Variants in TMEM117 observed in about 807,000 individuals in gnomAD.
The protein encoded by TMEM117 is transmembrane protein 117.
Under a neutral mutation model 52.4 loss-of-function variants are expected in TMEM117, and 27 were observed. That is an observed-to-expected ratio of 0.51 (90% CI 0.38 to 0.71). The LOEUF is 0.71. Ranked by LOEUF, TMEM117 falls within the 30% of genes least tolerant of loss-of-function variation. The pLI is 0.00. For synonymous variants in TMEM117, 215 were observed against 206.3 expected, an observed-to-expected ratio of 1.04 and a Z score of -0.36; for missense variants, 556 against 630.5, an observed-to-expected ratio of 0.88 and a Z score of 1.26.
At chr12:44,197,341 A>G (rs918783643) in intron 4 of TMEM117, among the ~76,000 whole-genome samples, 6 of 152,090 alleles carry the variant, frequency 3.9e-5, no homozygotes, top group South Asian at 2.1e-4. Context: ...GGTATATCGT[A>G]CATAATTACT....
chr12:43,982,891 C>T (rs1945783872), intron 3 of TMEM117, among the ~76,000 whole-genome samples: 1 of 152,174 alleles, frequency 6.6e-6, no homozygotes, highest in Non-Finnish European at 1.5e-5. Context: ...TATGCTACCT[C>T]ATTTTCCCTG....
chr12:44,358,569 C>T (rs1951682132), intron 6 of TMEM117, among the ~76,000 whole-genome samples: 1 of 152,160 alleles, frequency 6.6e-6, no homozygotes. Flanking sequence ...TGATATCTGC[C>T]TTTAACCCTG....
At chr12:44,373,137 G>A (rs1414019177) in intron 6 of TMEM117, among the ~76,000 whole-genome samples, 1 of 152,154 alleles carries the variant, frequency 6.6e-6, no homozygotes, top group Non-Finnish European at 1.5e-5. Context: ...GATTTCCTCT[G>A]CCATCAGTTA....
Position 44,189,946 on chromosome 12 carries a change from T to G in TMEM117, c.511-21344T>G, listed in dbSNP as rs905556880. On this transcript the variant is annotated intron_variant, in intron 4 of 7. Transcript: ENST00000266534. ...TTACATGACCAGTAACCAAGCATGA[T>G]TTTTTGACAGAAGGTTCACAGGCCT... Among the ~76,000 whole-genome samples, 30 of 152,350 alleles carry G rather than the reference T, an allele frequency of 2.0e-4. 1 individual carries two copies. In the East Asian group the frequency reaches 3.3e-3, roughly 17 times the overall value.
chr12:44,226,129 A>G (rs73102938), intron 5 of TMEM117, among the ~76,000 whole-genome samples: 16,141 of 152,244 alleles, frequency 0.11, 943 homozygotes, highest in Middle Eastern at 0.2. Context: ...CCTGAGGAAA[A>G]CATTTTCCCC....
At chr12:43,916,073 ATTC>A (rs970287947) in intron 2 of TMEM117, among the ~76,000 whole-genome samples, 45 of 152,118 alleles carry the variant, frequency 3.0e-4, no homozygotes, top group Middle Eastern at 3.2e-3. Context: ...CTACTAACTT[ATTC>A]TTCTTTTTCC....
chr12:43,814,218 A>ACTTCC, the TMEM117 span, among the ~76,000 whole-genome samples: 584 of 152,268 alleles, frequency 3.8e-3, 2 homozygotes, highest in Middle Eastern at 6.8e-3. Flanking sequence ...CCCTATGGAA[A>ACTTCC]AAGCTCACTT....
chr12:44,322,057 G>A (rs560890584), intron 6 of TMEM117, among the ~76,000 whole-genome samples: 1 of 152,120 alleles, frequency 6.6e-6, no homozygotes, highest in South Asian at 2.1e-4. Flanking sequence ...ACCTGGGTAG[G>A]GATGGGAGAA....
chr12:44,289,485 C>G (rs1167204034), intron 5 of TMEM117, among the ~76,000 whole-genome samples: 1 of 151,170 alleles, frequency 6.6e-6, no homozygotes, highest in African/African-American at 2.4e-5. Flanking sequence ...GCCATACTTG[C>G]TGAATCAATT....
At chr12:44,070,015 G>C (rs758130310) in intron 3 of TMEM117, among the ~76,000 whole-genome samples, 1 of 152,004 alleles carries the variant, frequency 6.6e-6, no homozygotes, top group Non-Finnish European at 1.5e-5. Flanking sequence ...TTACCTTCCT[G>C]AGTAGCTGGG....
chr12:44,349,744 T>C (rs1951536640), intron 6 of TMEM117, among the ~76,000 whole-genome samples: 1 of 152,064 alleles, frequency 6.6e-6, no homozygotes, highest in South Asian at 2.1e-4. Context: ...AGAAAGTCAT[T>C]CATTCATCAT....
chr12:43,830,452 CA>C, the TMEM117 span, among the ~76,000 whole-genome samples: 1 of 150,558 alleles, frequency 6.6e-6, no homozygotes, highest in Non-Finnish European at 1.5e-5. Flanking sequence ...ACTAAAAATA[CA>C]AAAAAAATTA....
chr12:43,821,064 T>C, the TMEM117 span, among the ~76,000 whole-genome samples: 69 of 145,922 alleles, frequency 4.7e-4, no homozygotes, highest in South Asian at 1.5e-3. Flanking sequence ...CACTGCACTC[T>C]AGCCTGGGCA....
intron 3 of TMEM117, among the ~76,000 whole-genome samples, chr12:44,025,314 C>T (rs1367351993): frequency 6.6e-6 from 1 of 152,130 alleles, no homozygotes; most frequent in Non-Finnish European, 1.5e-5. Flanking sequence ...TGGATTCATC[C>T]TGACTTTTAT....
At chr12:44,311,897 GTATATATATA>G (rs1184586797) in intron 6 of TMEM117, among the ~76,000 whole-genome samples, 1 of 120,758 alleles carries the variant, frequency 8.3e-6, no homozygotes, top group African/African-American at 3.8e-5. Flanking sequence ...ATATATATGT[GTATATATATA>G]TGTGTGTATA....
intron 3 of TMEM117, among the ~76,000 whole-genome samples, chr12:43,980,028 T>G (rs1945735359): frequency 6.6e-6 from 1 of 152,184 alleles, no homozygotes; most frequent in South Asian, 2.1e-4. Context: ...ATTGCCTTGT[T>G]GATCTTGTAT....
chr12:43,878,903 G>A (rs1332414525), intron 2 of TMEM117, among the ~76,000 whole-genome samples: 1 of 152,156 alleles, frequency 6.6e-6, no homozygotes, highest in Non-Finnish European at 1.5e-5. Context: ...ATTCATAAAT[G>A]TGTACCAATG....
the TMEM117 span, among the ~76,000 whole-genome samples, chr12:43,828,222 G>A: frequency 6.6e-6 from 1 of 152,192 alleles, no homozygotes; most frequent in Non-Finnish European, 1.5e-5. Flanking sequence ...TTGTACCTTA[G>A]TCTACAATAT....
intron 4 of TMEM117, among the ~76,000 whole-genome samples, chr12:44,204,693 A>T (rs189184209): frequency 6.6e-6 from 1 of 152,140 alleles, no homozygotes; most frequent in East Asian, 1.9e-4. Context: ...GCATATTGGT[A>T]CAAAAACAAA....
Sources: gnomAD v4.1 joint callset for allele counts (sites outside exome capture counted in the v4.1 genomes callset) on GRCh38, gnomAD v4.1.1 for gene constraint, MANE v1.5 for transcripts, NCBI Gene and HGNC (gene_info 2026-07-23, HGNC 2026-07-21) for gene names.